DYNC2I1: variants seen among roughly 807,000 people sequenced by gnomAD.
DYNC2I1 encodes dynein 2 intermediate chain 1.
In DYNC2I1, 89 loss-of-function variants were observed where a neutral mutation model predicts 133.4. The observed-to-expected ratio is 0.67, with a 90% CI of 0.56 to 0.80. DYNC2I1 has a LOEUF of 0.80. Ranked by LOEUF, DYNC2I1 falls within the 30% of genes least tolerant of loss-of-function variation. The pLI is 0.00. For synonymous variants in DYNC2I1, 504 were observed against 484.3 expected, an observed-to-expected ratio of 1.04 and a Z score of -0.54; for missense variants, 1,291 against 1,314.5, an observed-to-expected ratio of 0.98 and a Z score of 0.28.
intron 1 of DYNC2I1, among the ~76,000 whole-genome samples, chr7:158,859,512 AT>A (rs201518997): frequency 1.3e-5 from 2 of 151,640 alleles, no homozygotes; most frequent in South Asian, 2.1e-4. Flanking sequence ...CATAAAATTC[AT>A]TTTTTTTGAG....
intron 7 of DYNC2I1, among the ~76,000 whole-genome samples, chr7:158,888,936 C>T (rs1451746638): frequency 1.3e-5 from 2 of 151,768 alleles, no homozygotes; most frequent in South Asian, 2.1e-4. Context: ...CACACATTTA[C>T]CACAGAAAAA....
downstream of DYNC2I1, among the ~76,000 whole-genome samples, chr7:158,946,686 A>T (rs1477702048): frequency 1.3e-5 from 2 of 152,260 alleles, no homozygotes; most frequent in African/African-American, 2.4e-5. Context: ...AGGGACACAC[A>T]CATTCAAACC....
chr7:158,883,093 C>T (rs1471114230), intron 5 of DYNC2I1, among the ~76,000 whole-genome samples: 1 of 151,864 alleles, frequency 6.6e-6, no homozygotes, highest in Non-Finnish European at 1.5e-5. Context: ...CTGTGGTTAC[C>T]GTAAAGTGCA....
chr7:158,861,572 C>G (rs1841871960), intron 1 of DYNC2I1, among the ~76,000 whole-genome samples: 1 of 152,230 alleles, frequency 6.6e-6, no homozygotes, highest in African/African-American at 2.4e-5. Context: ...TCAGCTCTGT[C>G]TACAAAATAG....
intron 4 of DYNC2I1, 103 bp from the exon 5 acceptor site, chr7:158,879,581 C>G: frequency 8.2e-7 from 1 of 1,221,004 alleles, no homozygotes; most frequent in Non-Finnish European, 1.1e-6. Flanking sequence ...GTTTTTGATC[C>G]GTGGTTGGTT....
At position 158,943,346 on chromosome 7, in the gene DYNC2I1, C is replaced by T. The variant is rs140588192; in HGVS notation, c.3002+1198C>T. 3.3e-4 allele frequency among the ~76,000 whole-genome samples: 51 copies of T among 152,286 alleles called. No individual in the cohort carries two copies. The East Asian group carries it at 8.7e-3, about 26-fold the overall frequency. Reference sequence around the variant, plus strand: ...CAGCACCGACTGTGTGCCTGGCGGCCGGGGCTCCACACCCTGAGATCTCTC... The same window carrying T: ...CAGCACCGACTGTGTGCCTGGCGGCTGGGGCTCCACACCCTGAGATCTCTC... On this transcript the variant is annotated intron_variant, in intron 24 of 24. Coordinates refer to ENST00000407559, the MANE Select transcript of DYNC2I1 (RefSeq NM_018051.5).
In DYNC2I1 at chr7:158,914,220, C is replaced by A; in HGVS notation, c.1703-13C>A. 2 of 1,600,438 alleles carry A rather than the reference C, an allele frequency of 1.2e-6. No individual in the cohort carries two copies. The highest frequency in any genetic ancestry group is 1.7e-5 in the Admixed American group (1 of 58,258). ...GTCGACTTCGTTGATTTTATATAAA[C>A]TGTTTTTTTTAGGCAGTGAACAAAG... On this transcript the variant is annotated splice_polypyrimidine_tract_variant and intron_variant, in intron 13 of 24. Coordinates refer to ENST00000407559, the MANE Select transcript of DYNC2I1 (RefSeq NM_018051.5).
At position 158,856,584 on chromosome 7, in the gene DYNC2I1, A is replaced by T; in HGVS notation, c.-152A>T. ...GGAGAGGCCGCAGGGCACGCTGGGC[A>T]GTGCTTCTGGGCCCTCTGCTGCTCC... is the stretch of plus-strand genomic sequence containing the variant. On this transcript the variant is annotated 5_prime_UTR_variant, in exon 1 of 25. Transcript: ENST00000407559. 2 of 738,936 alleles carry T rather than the reference A, an allele frequency of 2.7e-6. No homozygotes were observed. The highest frequency in any genetic ancestry group is 4.0e-4 in the Middle Eastern group (1 of 2,496). The allele number at this position is 738,936 out of a possible 1,614,324, so 45.8% of individuals were successfully genotyped here.
At chr7:158,899,966 G>A (rs1846086744) in intron 8 of DYNC2I1, among the ~76,000 whole-genome samples, 1 of 152,128 alleles carries the variant, frequency 6.6e-6, no homozygotes, top group Non-Finnish European at 1.5e-5. Context: ...AATTTTGTTT[G>A]AAAGTCTTTA....
At chr7:158,854,647 TAAAAA>T (rs1163298358), upstream of DYNC2I1, among the ~76,000 whole-genome samples, 1 of 151,840 alleles carries the variant, frequency 6.6e-6, no homozygotes, top group African/African-American at 2.4e-5. Context: ...ATAATAATAA[TAAAAA>T]AAGAGAAGGG....
At chr7:158,902,278 C>A in intron 9 of DYNC2I1, 98 bp from the exon 10 acceptor site, 2 of 973,614 alleles carry the variant, frequency 2.1e-6, no homozygotes, top group Non-Finnish European at 3.1e-6. Context: ...AGGACATTGT[C>A]TGTTTTAAGT....
the DYNC2I1 span, among the ~76,000 whole-genome samples, chr7:158,848,640 C>T: frequency 2.6e-5 from 4 of 152,124 alleles, no homozygotes; most frequent in African/African-American, 9.7e-5. Context: ...ATTGGGTGGA[C>T]CAGGCCGGGC....
At chr7:158,918,711 A>G (rs1011511984) in intron 14 of DYNC2I1, 29 bp from the exon 15 acceptor site, 1 of 1,605,120 alleles carries the variant, frequency 6.2e-7, no homozygotes, top group East Asian at 2.2e-5. Context: ...TGAAGTTTTT[A>G]TTAAAGACTA....
chr7:158,900,749 T>TC (rs59107729), intron 8 of DYNC2I1, among the ~76,000 whole-genome samples: 5 of 150,302 alleles, frequency 3.3e-5, no homozygotes, highest in Admixed American at 1.3e-4. Flanking sequence ...TTTTTTTTTT[T>TC]CCTTCCCGCT....
At chr7:158,949,689 G>A (rs1851995040), downstream of DYNC2I1, among the ~76,000 whole-genome samples, 2 of 152,224 alleles carry the variant, frequency 1.3e-5, no homozygotes, top group Admixed American at 1.3e-4. Context: ...AGGAGAGCAT[G>A]GGAGGAGCAT....
intron 21 of DYNC2I1, among the ~76,000 whole-genome samples, chr7:158,932,398 G>A (rs1252582013): frequency 1.3e-5 from 2 of 152,146 alleles, no homozygotes; most frequent in Admixed American, 6.5e-5. Context: ...AGGCACATTT[G>A]GAGCTGTCAG....
the DYNC2I1 span, among the ~76,000 whole-genome samples, chr7:158,847,249 G>T: frequency 1.3e-5 from 2 of 152,160 alleles, no homozygotes; most frequent in East Asian, 1.9e-4. Flanking sequence ...AATTAAAAAA[G>T]TAGGAGAGTA....
intron 23 of DYNC2I1, among the ~76,000 whole-genome samples, chr7:158,940,101 A>G (rs1235945410): frequency 6.6e-6 from 1 of 152,226 alleles, no homozygotes; most frequent in Non-Finnish European, 1.5e-5. Flanking sequence ...CAGAAAGTCA[A>G]CAAAGAAGCA....
At chr7:158,905,191 A>C in intron 10 of DYNC2I1, 1 of 373,230 alleles carries the variant, frequency 2.7e-6, no homozygotes, top group Non-Finnish European at 5.0e-6. Flanking sequence ...CCCGTGCTGG[A>C]GTACAGTGGC....
Sources: allele counts gnomAD v4.1 joint callset (sites outside exome capture counted in the v4.1 genomes callset), GRCh38; gene constraint gnomAD v4.1.1; transcripts MANE v1.5; gene names NCBI Gene and HGNC (gene_info 2026-07-23, HGNC 2026-07-21).